The following RSRC1 variants were observed in gnomAD, a reference collection of about 807,000 sequenced individuals.
RSRC1 encodes serine/Arginine-related protein 53.
RSRC1 carries 39 observed loss-of-function variants against 49.1 expected under a neutral mutation model. The observed-to-expected ratio is 0.79, with a 90% confidence interval of 0.61 to 1.04. RSRC1 has a LOEUF of 1.04. RSRC1 is among the 50% of genes least tolerant of loss of function. The probability of loss-of-function intolerance (pLI) is 0.00; values close to 1 mark genes in which losing one functional copy is unlikely to be tolerated. For missense variants in RSRC1, 388 were observed against 402.4 expected (o/e 0.96, Z 0.31); for synonymous variants, 143 against 130.8 (o/e 1.09, Z -0.63).
intron 6 of RSRC1, among the ~76,000 whole-genome samples, chr3:158,377,289 T>C (rs939276212): frequency 3.9e-5 from 6 of 152,220 alleles, no homozygotes; most frequent in African/African-American, 1.4e-4. Flanking sequence ...CTTCGTCTTC[T>C]TTATAATTGA....
intron 4 of RSRC1, among the ~76,000 whole-genome samples, chr3:158,236,773 T>C (rs1294190049): frequency 6.6e-6 from 1 of 152,180 alleles, no homozygotes; most frequent in Non-Finnish European, 1.5e-5. Context: ...AGAATTGCTA[T>C]CCCTGCAGAC....
At chr3:158,423,815 G>A (rs985627172) in intron 6 of RSRC1, among the ~76,000 whole-genome samples, 2 of 151,706 alleles carry the variant, frequency 1.3e-5, no homozygotes, top group Non-Finnish European at 2.9e-5. Context: ...TGGATTCCTA[G>A]GTATTTTATT....
At chr3:158,462,003 A>G (rs1376306232) in intron 7 of RSRC1, among the ~76,000 whole-genome samples, 1 of 151,722 alleles carries the variant, frequency 6.6e-6, no homozygotes, top group Non-Finnish European at 1.5e-5. Flanking sequence ...AAGCGAAAAA[A>G]AAAAAAAAAA....
chr3:158,223,578 T>A (rs1488176794), intron 4 of RSRC1, among the ~76,000 whole-genome samples: 1 of 141,018 alleles, frequency 7.1e-6, no homozygotes, highest in Non-Finnish European at 1.5e-5. Flanking sequence ...TGATCTATAG[T>A]TTAGCTTCCT....
intron 1 of RSRC1, among the ~76,000 whole-genome samples, chr3:158,114,680 C>A (rs918091427): frequency 6.6e-6 from 1 of 152,072 alleles, no homozygotes; most frequent in African/African-American, 2.4e-5. Context: ...TTTCCTTGAG[C>A]AGTGGTTTGT....
At chr3:158,137,482 A>G (rs944308763) in intron 3 of RSRC1, among the ~76,000 whole-genome samples, 3 of 151,704 alleles carry the variant, frequency 2.0e-5, no homozygotes, top group Admixed American at 6.6e-5. Context: ...TAGGTATTTT[A>G]AATCAGTTTT....
intron 6 of RSRC1, among the ~76,000 whole-genome samples, chr3:158,436,062 A>AT (rs1485856437): frequency 5.9e-5 from 9 of 151,902 alleles, no homozygotes; most frequent in Non-Finnish European, 1.0e-4. Flanking sequence ...ATGTATTAAC[A>AT]TTCCTCAGAG....
chr3:158,151,480 C>G (rs890539771), intron 3 of RSRC1, among the ~76,000 whole-genome samples: 2 of 152,108 alleles, frequency 1.3e-5, no homozygotes, highest in Non-Finnish European at 2.9e-5. Context: ...TGTTCATGAC[C>G]TACTTCAGGG....
intron 4 of RSRC1, among the ~76,000 whole-genome samples, chr3:158,284,954 A>C (rs933985684): frequency 6.6e-6 from 1 of 152,174 alleles, no homozygotes; most frequent in Non-Finnish European, 1.5e-5. Flanking sequence ...TGTTTTAGAC[A>C]TGAAGTCCTT....
chr3:158,182,063 T>C (rs1719650259), intron 3 of RSRC1, among the ~76,000 whole-genome samples: 1 of 152,078 alleles, frequency 6.6e-6, no homozygotes, highest in African/African-American at 2.4e-5. Context: ...TTATGGAGCA[T>C]TGGGAGTTCG....
intron 7 of RSRC1, among the ~76,000 whole-genome samples, chr3:158,513,321 A>C (rs1159535610): frequency 6.6e-6 from 1 of 152,022 alleles, no homozygotes; most frequent in African/African-American, 2.4e-5. Context: ...AGTTTTTAGC[A>C]TGAAGGGTTG....
At chr3:158,520,037 C>T (rs913577079) in intron 7 of RSRC1, among the ~76,000 whole-genome samples, 4 of 152,072 alleles carry the variant, frequency 2.6e-5, no homozygotes, top group Admixed American at 6.6e-5. Flanking sequence ...TGTTGAATGA[C>T]GGACTGGAGA....
intron 6 of RSRC1, among the ~76,000 whole-genome samples, chr3:158,372,632 T>C (rs554980792): frequency 6.6e-6 from 1 of 152,060 alleles, no homozygotes; most frequent in African/African-American, 2.4e-5. Flanking sequence ...TCTAATTCTT[T>C]TCCATTTCGA....
intron 7 of RSRC1, among the ~76,000 whole-genome samples, chr3:158,525,075 C>G (rs967086247): frequency 5.9e-5 from 9 of 152,032 alleles, no homozygotes; most frequent in African/African-American, 1.9e-4. Flanking sequence ...ATAGATTATA[C>G]TTCCTTAAAC....
chr3:158,268,542 A>G lies in RSRC1; in HGVS notation c.495-29497A>G, dbSNP rs917367334. Among the ~76,000 whole-genome samples the G allele has an allele frequency of 2.8e-4, 42 of 152,344 alleles. No homozygotes were observed. The East Asian group carries it at 4.0e-3, about 15-fold the overall frequency. Reference sequence around the variant, plus strand: ...CTATTGTGTTTCTGCAGCCATAGCCATAGGAGTGTCCCAACACCAGAAAAT... The same window carrying G: ...CTATTGTGTTTCTGCAGCCATAGCCGTAGGAGTGTCCCAACACCAGAAAAT... On this transcript the variant is annotated intron_variant, in intron 4 of 9. Coordinates refer to ENST00000611884, the MANE Select transcript of RSRC1 (RefSeq NM_001271838.2).
At chr3:158,454,016 C>G (rs1018530376) in intron 6 of RSRC1, among the ~76,000 whole-genome samples, 16 of 151,976 alleles carry the variant, frequency 1.1e-4, no homozygotes, top group African/African-American at 3.6e-4. Flanking sequence ...TTCTTGAATG[C>G]TTTTTGGTAT....
chr3:158,158,307 T>G (rs1309611732), intron 3 of RSRC1, among the ~76,000 whole-genome samples: 1 of 152,124 alleles, frequency 6.6e-6, no homozygotes, highest in East Asian at 1.9e-4. Context: ...GAGGGCTGAC[T>G]TCGTATATGT....
chr3:158,481,876 T>C (rs554904650), intron 7 of RSRC1, among the ~76,000 whole-genome samples: 3 of 152,136 alleles, frequency 2.0e-5, no homozygotes, highest in Admixed American at 2.0e-4. Flanking sequence ...GAATGTGAGC[T>C]GCTAAAGAGC....
At chr3:158,171,480 G>T (rs1197516850) in intron 3 of RSRC1, among the ~76,000 whole-genome samples, 3 of 152,150 alleles carry the variant, frequency 2.0e-5, no homozygotes, top group Admixed American at 2.0e-4. Context: ...GTCCTCCAGA[G>T]TAAAGGTAAG....
Sources: allele counts gnomAD v4.1 joint callset (sites outside exome capture counted in the v4.1 genomes callset), GRCh38; gene constraint gnomAD v4.1.1; transcripts MANE v1.5; gene names NCBI Gene and HGNC (gene_info 2026-07-23, HGNC 2026-07-21).